Variants in PHF21A observed in about 807,000 individuals in gnomAD.
PHF21A encodes the protein BHC80a.
A neutral mutation model predicts 82.5 loss-of-function variants in PHF21A; 11 were observed. That is an observed-to-expected ratio of 0.13 (90% confidence interval 0.08 to 0.22). The LOEUF (loss-of-function observed/expected upper bound fraction) is 0.22, where lower values mean the gene tolerates loss of function less well. Among genes scored for constraint, PHF21A ranks in the 10% least tolerant of loss-of-function variants. PHF21A has a pLI of 1.00. For synonymous variants in PHF21A, 297 were observed against 302.8 expected, an observed-to-expected ratio of 0.98 and a Z score of 0.20; for missense variants, 579 against 837.8, an observed-to-expected ratio of 0.69 and a Z score of 3.81.
At chr11:46,074,496 T>TA (rs2096702104) in intron 6 of PHF21A, among the ~76,000 whole-genome samples, 1 of 151,962 alleles carries the variant, frequency 6.6e-6, no homozygotes. Context: ...GAAACTGTTC[T>TA]AAAATAAAAC....
In PHF21A at chr11:46,085,858, T is replaced by C. The variant is rs1336129362; in HGVS notation, c.-83-1556A>G. ...TTTCAATATATTTGCTTATTCTCAT[T>C]AGGCATAAAACATCAGCAGAAATCT... On this transcript the variant is annotated intron_variant, in intron 3 of 18. Coordinates refer to ENST00000676320, the MANE Select transcript of PHF21A (RefSeq NM_001352027.3). Among the ~76,000 whole-genome samples the C allele has an allele frequency of 5.9e-5, 9 of 152,212 alleles. No individual in the cohort carries two copies. The South Asian group carries it at 6.2e-4, about 11-fold the overall frequency.
intron 6 of PHF21A, among the ~76,000 whole-genome samples, chr11:46,029,743 A>G (rs973672189): frequency 2.6e-5 from 4 of 152,154 alleles, no homozygotes; most frequent in African/African-American, 9.7e-5. Flanking sequence ...CTAGCAATAA[A>G]TTTCATGTCA....
chr11:46,045,983 C>T (rs2096250220), intron 6 of PHF21A, among the ~76,000 whole-genome samples: 1 of 152,150 alleles, frequency 6.6e-6, no homozygotes, highest in African/African-American at 2.4e-5. Flanking sequence ...AAACTCAATA[C>T]ATTTTGGGAA....
At chr11:46,080,830 G>T (rs984412665) in intron 4 of PHF21A, among the ~76,000 whole-genome samples, 6 of 151,400 alleles carry the variant, frequency 4.0e-5, no homozygotes, top group African/African-American at 1.5e-4. Flanking sequence ...ACCATATCCA[G>T]CATTTTTTTT....
At chr11:46,118,753 T>C (rs1852119028) in intron 1 of PHF21A, 1 of 152,238 alleles carries the variant, frequency 6.6e-6, no homozygotes, top group South Asian at 2.1e-4. Context: ...AAAATTAAAA[T>C]GAATAATAGT....
intron 6 of PHF21A, among the ~76,000 whole-genome samples, chr11:46,038,153 C>CT (rs952525069): frequency 4.6e-4 from 67 of 145,852 alleles, no homozygotes; most frequent in South Asian, 3.5e-3. Context: ...TGGAGTTTTG[C>CT]TTTTTTTTTG....
intron 1 of PHF21A, among the ~76,000 whole-genome samples, chr11:46,116,134 A>G (rs1283825762): frequency 6.6e-6 from 1 of 152,168 alleles, no homozygotes; most frequent in East Asian, 1.9e-4. Flanking sequence ...CAAATTTGTG[A>G]GCAGAGTTTA....
At chr11:46,038,800 T>C (rs538446369) in intron 6 of PHF21A, among the ~76,000 whole-genome samples, 1 of 152,276 alleles carries the variant, frequency 6.6e-6, no homozygotes, top group South Asian at 2.1e-4. Context: ...AACCCATGAA[T>C]CTGTGGATTG....
chr11:45,944,675 C>G (rs545449944), intron 15 of PHF21A, among the ~76,000 whole-genome samples: 8 of 152,370 alleles, frequency 5.3e-5, no homozygotes, highest in African/African-American at 1.9e-4. Context: ...CTCTGCCTGG[C>G]AGGCTCTTCC....
chr11:45,981,815 C>G (rs1240258195), intron 6 of PHF21A, among the ~76,000 whole-genome samples: 2 of 151,638 alleles, frequency 1.3e-5, no homozygotes, highest in East Asian at 3.9e-4. Context: ...GTGGATTACT[C>G]ATTTAACATA....
In PHF21A at chr11:45,933,268, G is replaced by T. The variant is rs1323416459; in HGVS notation, c.*700C>A. On this transcript the variant is annotated 3_prime_UTR_variant, in exon 19 of 19. Transcript: ENST00000676320. The stretch of plus-strand genomic sequence containing the variant: ...GCAGGGAAGGAAGGAGACTGGGCAG[G>T]CTTCAGGAGTGGTGGGGTTACCGCG... 2 of 152,674 alleles carry T rather than the reference G, an allele frequency of 1.3e-5. No homozygotes were observed. Among genetic ancestry groups the T allele is most frequent in the Non-Finnish European group, 1.5e-5 (1 of 68,078 alleles). The allele number at this position is 152,674 out of a possible 1,614,324, so 9.5% of individuals were successfully genotyped here.
chr11:46,112,260 C>T (rs1243602977), intron 1 of PHF21A, among the ~76,000 whole-genome samples: 1 of 152,154 alleles, frequency 6.6e-6, no homozygotes, highest in Non-Finnish European at 1.5e-5. Context: ...CCAAAAATCT[C>T]AAGGTCTTAG....
intron 15 of PHF21A, among the ~76,000 whole-genome samples, 171 bp downstream of exon 15, chr11:45,945,669 T>C (rs2091182804): frequency 6.6e-6 from 1 of 152,214 alleles, no homozygotes; most frequent in Non-Finnish European, 1.5e-5. Context: ...ATGGAAGGCC[T>C]GGAAACTCAG....
At chr11:46,104,553 C>T (rs537392326) in intron 1 of PHF21A, among the ~76,000 whole-genome samples, 1 of 152,250 alleles carries the variant, frequency 6.6e-6, no homozygotes, top group East Asian at 1.9e-4. Context: ...TTAGATAACA[C>T]TTTTATCATC....
At chr11:46,086,121 A>G (rs2096853541) in intron 3 of PHF21A, among the ~76,000 whole-genome samples, 1 of 151,524 alleles carries the variant, frequency 6.6e-6, no homozygotes, top group South Asian at 2.1e-4. Context: ...TTTAGCTACT[A>G]TCTTTTTTTT....
At chr11:45,979,323 C>T (rs1480638521) in intron 7 of PHF21A, among the ~76,000 whole-genome samples, 1 of 152,040 alleles carries the variant, frequency 6.6e-6, no homozygotes, top group African/African-American at 2.4e-5. Context: ...CCAGCCATAG[C>T]ACCCTTCCAA....
intron 15 of PHF21A, among the ~76,000 whole-genome samples, chr11:45,942,025 T>C (rs1320855498): frequency 1.3e-5 from 2 of 152,200 alleles, no homozygotes; most frequent in Non-Finnish European, 2.9e-5. Flanking sequence ...ATTGTTTAAT[T>C]AATGTTGTTG....
At chr11:45,968,158 C>T (rs1422943320) in intron 9 of PHF21A, among the ~76,000 whole-genome samples, 1 of 152,202 alleles carries the variant, frequency 6.6e-6, no homozygotes, top group Non-Finnish European at 1.5e-5. Context: ...TTGGTTATTA[C>T]CATTATTGAC....
At chr11:45,934,549 A>T (rs950042684) in intron 18 of PHF21A, 81 of 112,528 alleles carry the variant, frequency 7.2e-4, no homozygotes, top group Non-Finnish European at 7.7e-4. Context: ...AAGGTTGTTT[A>T]AAAAAAAAAA....
Sources: gnomAD v4.1 joint callset for allele counts (sites outside exome capture counted in the v4.1 genomes callset) on GRCh38, gnomAD v4.1.1 for gene constraint, MANE v1.5 for transcripts, NCBI Gene and HGNC (gene_info 2026-07-23, HGNC 2026-07-21) for gene names.